The following AMPH variants were observed in gnomAD, a reference collection of about 807,000 sequenced individuals.
AMPH encodes amphiphysin.
Under a neutral mutation model 99.1 loss-of-function variants are expected in AMPH, and 49 were observed. The ratio of observed to expected loss-of-function variants is 0.49; its 90% CI spans 0.39 to 0.63. The LOEUF (loss-of-function observed/expected upper bound fraction) is 0.63, where lower values mean the gene tolerates loss of function less well. Among genes scored for constraint, AMPH ranks in the 20% least tolerant of loss-of-function variants. AMPH has a pLI of 0.00. For missense variants in AMPH, 759 were observed against 863.4 expected, an observed-to-expected ratio of 0.88 and a Z score of 1.52; for synonymous variants, 314 against 317.3, an observed-to-expected ratio of 0.99 and a Z score of 0.11.
chr7:38,402,634 G>A (rs1411459355), intron 17 of AMPH, among the ~76,000 whole-genome samples: 1 of 152,210 alleles, frequency 6.6e-6, no homozygotes, highest in Non-Finnish European at 1.5e-5. Context: ...TTCTGTGAGA[G>A]TAGCAGCAGG....
chr7:38,476,044 A>G lies in AMPH; in HGVS notation c.505-628T>C, dbSNP rs573803731. Among the ~76,000 whole-genome samples the G allele has an allele frequency of 1.3e-4, 20 of 152,292 alleles. No homozygotes were observed. In the South Asian group the frequency reaches 3.3e-3, roughly 25 times the overall value. ...GAAAGTTAATGTAGATGAAGTGTTG[A>G]ACAGAGTGCCTGGTATCCAGGAGGC... is the stretch of plus-strand genomic sequence containing the variant. On this transcript the variant is annotated intron_variant, in intron 6 of 20. Transcript: ENST00000356264.
In AMPH at chr7:38,406,731, CCTCTCTCTCTCT is replaced by C. The variant is rs56738810; in HGVS notation, c.1398+11082_1398+11093del. 7.9e-3 allele frequency among the ~76,000 whole-genome samples: 634 copies of C among 80,550 alleles called. 6 individuals carry two copies. The highest frequency in any genetic ancestry group is 9.2e-3 in the African/African-American group (167 of 18,232). The allele number at this position is 80,550 out of a possible 152,430, so 52.8% of individuals were successfully genotyped here. ...CTCCTCTCCTCTCTCTCTCCCTTTC[CCTCTCTCTCTCT>C]CTCTCTCTCTCTCTCTCTCTCTCTC... On this transcript the variant is annotated intron_variant, in intron 17 of 20. Coordinates refer to ENST00000356264, the MANE Select transcript of AMPH (RefSeq NM_001635.4).
chr7:38,529,871 T>C (rs1420167349), intron 2 of AMPH, among the ~76,000 whole-genome samples: 1 of 152,230 alleles, frequency 6.6e-6, no homozygotes. Context: ...TGAAGGTAAG[T>C]ATAATTTATC....
At chr7:38,591,787 T>C (rs79678389) in intron 1 of AMPH, among the ~76,000 whole-genome samples, 3,391 of 152,318 alleles carry the variant, frequency 0.022, 92 homozygotes, top group East Asian at 0.085. Context: ...GCCCTGACAC[T>C]TGTCCCAAGG....
At chr7:38,587,946 G>A (rs1361383261) in intron 1 of AMPH, among the ~76,000 whole-genome samples, 1 of 147,986 alleles carries the variant, frequency 6.8e-6, no homozygotes, top group East Asian at 2.0e-4. Context: ...GTGTGTGTGT[G>A]TGTGCGCGTG....
At chr7:38,623,889 T>C (rs1794152057) in intron 1 of AMPH, among the ~76,000 whole-genome samples, 1 of 152,160 alleles carries the variant, frequency 6.6e-6, no homozygotes, top group South Asian at 2.1e-4. Context: ...TCAATCAACA[T>C]TGCACTGAAG....
At chr7:38,572,936 T>A (rs537861354) in intron 1 of AMPH, among the ~76,000 whole-genome samples, 4 of 152,152 alleles carry the variant, frequency 2.6e-5, no homozygotes, top group African/African-American at 9.6e-5. Context: ...CAGCACAATA[T>A]CAGCATCCCC....
At chr7:38,392,414 T>G (rs1584029944) in intron 18 of AMPH, among the ~76,000 whole-genome samples, 1 of 115,020 alleles carries the variant, frequency 8.7e-6, no homozygotes, top group Non-Finnish European at 1.7e-5. Flanking sequence ...TGAGACAGAG[T>G]CTTGCTCTGT....
At chr7:38,463,276 T>C (rs1787527116) in intron 9 of AMPH, 163 bp from the exon 10 acceptor site, 3 of 882,584 alleles carry the variant, frequency 3.4e-6, no homozygotes, top group African/African-American at 1.7e-5. Flanking sequence ...GTGATGGTGA[T>C]AACTGGTACC....
intron 1 of AMPH, among the ~76,000 whole-genome samples, chr7:38,587,290 A>G (rs1248912993): frequency 2.6e-5 from 4 of 152,198 alleles, no homozygotes; most frequent in Non-Finnish European, 2.9e-5. Flanking sequence ...TTCCTGGGGC[A>G]GGTGGGTCAG....
chr7:38,407,021 C>CCTCTCTCTCT (rs71558121), intron 17 of AMPH, among the ~76,000 whole-genome samples: 194 of 3,684 alleles, frequency 0.053, 37 homozygotes, highest in Middle Eastern at 0.12. Flanking sequence ...CTAATAGACT[C>CCTCTCTCTCT]CTCTCTCTCT....
At position 38,394,038 on chromosome 7, in the gene AMPH, A is replaced by C. The variant is rs979869994; in HGVS notation, c.1575T>G (p.Pro525=). The C allele has an allele frequency of 9.3e-6, 15 of 1,614,078 alleles. No homozygotes were observed. Among genetic ancestry groups the C allele is most frequent in the Non-Finnish European group, 1.3e-5 (15 of 1,180,040 alleles). ...CTGTTGCTTCGAGCTCCTCTGCTTC[A>C]GGTTGGGCACTCTCTGCACCCTCAG... The part of the protein sequence containing the change: ...ETTEGAESAQ[P]EAEELEATVP... The change falls in exon 18 of 21, where the codon CCT becomes CCG. Residue 525 remains proline (P), a synonymous_variant. Transcript: ENST00000356264.
chr7:38,565,102 T>C (rs1005021769), intron 1 of AMPH, among the ~76,000 whole-genome samples: 223 of 143,386 alleles, frequency 1.6e-3, no homozygotes, highest in Admixed American at 3.5e-3. Context: ...CCAGCCTGGG[T>C]GACAGAGCGA....
Position 38,602,670 on chromosome 7 carries a change from T to C in AMPH, c.69+28613A>G, listed in dbSNP as rs568039332. Among the ~76,000 whole-genome samples, 8 of 152,314 alleles carry C rather than the reference T, an allele frequency of 5.3e-5. No homozygotes were observed. In the South Asian group the frequency reaches 1.0e-3, roughly 20 times the overall value. ...TGAACTGAACTACATCTACAAAGTC[T>C]CTTTTGTCAGGTAAGGCAAGATATT... On this transcript the variant is annotated intron_variant, in intron 1 of 20. Coordinates refer to ENST00000356264, the MANE Select transcript of AMPH (RefSeq NM_001635.4).
chr7:38,618,151 T>C (rs541945070), intron 1 of AMPH, among the ~76,000 whole-genome samples: 1 of 152,250 alleles, frequency 6.6e-6, no homozygotes, highest in South Asian at 2.1e-4. Flanking sequence ...AGTAACAACA[T>C]AGGTTAATGC....
intron 16 of AMPH, among the ~76,000 whole-genome samples, chr7:38,420,092 T>C (rs1057376332): frequency 6.6e-6 from 1 of 152,174 alleles, no homozygotes; most frequent in Non-Finnish European, 1.5e-5. Flanking sequence ...CACAAGATGT[T>C]TCACATACGA....
intron 16 of AMPH, among the ~76,000 whole-genome samples, chr7:38,421,629 A>G (rs1018783080): frequency 6.6e-6 from 1 of 152,232 alleles, no homozygotes; most frequent in African/African-American, 2.4e-5. Context: ...AAATCATTCT[A>G]TTTAATCTCA....
chr7:38,459,424 T>TCA (rs1200758884), intron 11 of AMPH, among the ~76,000 whole-genome samples: 3 of 152,138 alleles, frequency 2.0e-5, no homozygotes, highest in Non-Finnish European at 4.4e-5. Flanking sequence ...GCTGGAGGCA[T>TCA]CACATTACCT....
intron 1 of AMPH, among the ~76,000 whole-genome samples, chr7:38,569,004 G>C (rs988082825): frequency 6.6e-6 from 1 of 152,166 alleles, no homozygotes; most frequent in Non-Finnish European, 1.5e-5. Context: ...ATCTGGGTCA[G>C]AATGAGACTC....
Sources: gnomAD v4.1 joint callset for allele counts (sites outside exome capture counted in the v4.1 genomes callset) on GRCh38, gnomAD v4.1.1 for gene constraint, MANE v1.5 for transcripts, NCBI Gene and HGNC (gene_info 2026-07-23, HGNC 2026-07-21) for gene names.